PHLPP2: variants seen among roughly 807,000 people sequenced by gnomAD.
PHLPP2 encodes PH domain leucine-rich repeat-containing protein phosphatase 2.
In PHLPP2, 66 loss-of-function variants were observed where a neutral mutation model predicts 124.9. The ratio of observed to expected loss-of-function variants is 0.53; its 90% CI spans 0.43 to 0.65. The LOEUF is 0.65. Ranked by LOEUF, PHLPP2 falls within the 30% of genes least tolerant of loss-of-function variation. The pLI is 0.00. For missense variants in PHLPP2, 1,685 were observed against 1,600.4 expected, an observed-to-expected ratio of 1.05 and a Z score of -0.90; for synonymous variants, 681 against 624.7, an observed-to-expected ratio of 1.09 and a Z score of -1.34.
intron 3 of PHLPP2, among the ~76,000 whole-genome samples, chr16:71,698,938 C>T (rs1389248620): frequency 6.6e-6 from 1 of 152,176 alleles, no homozygotes; most frequent in Non-Finnish European, 1.5e-5. Flanking sequence ...TTAACTGGTT[C>T]GCACTCGGGC....
intron 12 of PHLPP2, among the ~76,000 whole-genome samples, chr16:71,665,938 TAA>T (rs2044836109): frequency 6.6e-6 from 1 of 152,210 alleles, no homozygotes; most frequent in African/African-American, 2.4e-5. Context: ...TATAAGCTGC[TAA>T]AGAGAGAACA....
At chr16:71,687,467 G>A (rs1483014585) in intron 4 of PHLPP2, among the ~76,000 whole-genome samples, 2 of 151,982 alleles carry the variant, frequency 1.3e-5, no homozygotes, top group Non-Finnish European at 2.9e-5. Flanking sequence ...CTTATGAACA[G>A]CAAATAGTAT....
At chr16:71,703,453 C>G (rs2145370129) in intron 2 of PHLPP2, among the ~76,000 whole-genome samples, 1 of 152,096 alleles carries the variant, frequency 6.6e-6, no homozygotes, top group South Asian at 2.1e-4. Context: ...CTTGTGGCCT[C>G]TGGTGACACT....
chr16:71,678,923 A>G lies in PHLPP2; in HGVS notation c.1100T>C (p.Leu367Pro). 1 of 1,613,470 alleles carries G rather than the reference A, an allele frequency of 6.2e-7. No individual in the cohort carries two copies. The highest frequency in any genetic ancestry group is 8.5e-7 in the Non-Finnish European group (1 of 1,179,444). ...LTTLPEELGN[L>P]QQLSSLGISF... ...AATTCCCAAGGAGGAAAGCTGTTGT[A>G]GATTTCCCAATTCTTCAGGTAAAGT... The change falls in exon 8 of 19, where the codon CTA becomes CCA. Residue 367 changes from leucine (L) to proline (P), a missense_variant. Coordinates refer to ENST00000568954, the MANE Select transcript of PHLPP2 (RefSeq NM_015020.3).
At chr16:71,719,964 ATTT>A (rs756642820) in intron 1 of PHLPP2, among the ~76,000 whole-genome samples, 7 of 53,248 alleles carry the variant, frequency 1.3e-4, no homozygotes, top group South Asian at 1.6e-3. Context: ...TGCCCAGCTA[ATTT>A]TTTTTTTTTT....
chr16:71,691,312 T>C lies in PHLPP2; in HGVS notation c.419-603A>G, dbSNP rs11866483. Among the ~76,000 whole-genome samples, 793 of 151,810 alleles carry C rather than the reference T, an allele frequency of 5.2e-3. 14 individuals carry two copies. The highest frequency in any genetic ancestry group is 0.018 in the African/African-American group (760 of 41,348). On this transcript the variant is annotated intron_variant, in intron 3 of 18. Coordinates refer to ENST00000568954, the MANE Select transcript of PHLPP2 (RefSeq NM_015020.3). ...TACTAAAAATACAAAAACAAAAAAA[T>C]TAGCCGGGCATGGTGGCGGACACCT...
In PHLPP2 at chr16:71,704,692, G is replaced by A. The variant is rs186654697; in HGVS notation, c.285-1961C>T. 1.0e-3 allele frequency among the ~76,000 whole-genome samples: 159 copies of A among 152,138 alleles called. No homozygotes were observed. In the Middle Eastern group the frequency reaches 0.027, roughly 26 times the overall value. On this transcript the variant is annotated intron_variant, in intron 2 of 18. Coordinates refer to ENST00000568954, the MANE Select transcript of PHLPP2 (RefSeq NM_015020.3). ...ATAAAGATTGAATTAAAGAGAAATG[G>A]GAAATAAACTTTTCAGATTATGTAG...
At chr16:71,714,968 A>G in intron 1 of PHLPP2, 167 bp from the exon 2 acceptor site, 1 of 796,370 alleles carries the variant, frequency 1.3e-6, no homozygotes, top group East Asian at 2.8e-5. Flanking sequence ...GTAATAACTC[A>G]GATAACTTAA....
chr16:71,719,475 G>A (rs1272636570), intron 1 of PHLPP2, among the ~76,000 whole-genome samples: 2 of 152,224 alleles, frequency 1.3e-5, no homozygotes, highest in African/African-American at 4.8e-5. Context: ...AGTAGGTGGA[G>A]ACTGCAGTGA....
At chr16:71,702,761 A>G (rs1438589674) in intron 2 of PHLPP2, 30 bp from the exon 3 acceptor site, 1 of 1,472,156 alleles carries the variant, frequency 6.8e-7, no homozygotes, top group Admixed American at 2.0e-5. Context: ...AAATATATAT[A>G]TTTGGTAAGT....
intron 3 of PHLPP2, among the ~76,000 whole-genome samples, chr16:71,699,944 A>G (rs1411239078): frequency 1.1e-4 from 16 of 152,152 alleles, no homozygotes; most frequent in Admixed American, 9.2e-4. Context: ...CCCAGTGAAC[A>G]CGGTTTGTTC....
At chr16:71,678,220 C>T (rs1306590884) in intron 8 of PHLPP2, 1 of 152,294 alleles carries the variant, frequency 6.6e-6, no homozygotes, top group Non-Finnish European at 1.5e-5. Flanking sequence ...TGAGAACAAT[C>T]TTTGTCAAAG....
intron 1 of PHLPP2, among the ~76,000 whole-genome samples, chr16:71,719,988 T>TTTTTTTTTTTTTTTTTTG (rs869036837): frequency 1.0e-4 from 14 of 139,140 alleles, no homozygotes; most frequent in Non-Finnish European, 1.4e-4. Context: ...TTTTTTTTTT[T>TTTTTTTTTTTTTTTTTTG]GAGACGGAGT....
chr16:71,668,256 C>CA (rs1241108801), intron 11 of PHLPP2, among the ~76,000 whole-genome samples: 1 of 149,472 alleles, frequency 6.7e-6, no homozygotes, highest in Non-Finnish European at 1.5e-5. Context: ...ACTAAAAATA[C>CA]AAAAAAAAAT....
chr16:71,659,811 CTGCTGTTAACATGGAGAGAAAGTG>C (rs1298928150), intron 13 of PHLPP2, among the ~76,000 whole-genome samples: 11 of 152,120 alleles, frequency 7.2e-5, no homozygotes, highest in Admixed American at 4.6e-4. Flanking sequence ...AAATAATAAA[CTGCTGTTAACATGGAGAGAAAGTG>C]AAAAATAAAG....
At chr16:71,721,399 C>A (rs2045397551) in intron 1 of PHLPP2, among the ~76,000 whole-genome samples, 1 of 152,098 alleles carries the variant, frequency 6.6e-6, no homozygotes, top group Admixed American at 6.6e-5. Flanking sequence ...AAGAGGATCA[C>A]TTGAGGCCAG....
In PHLPP2 at chr16:71,655,390, AC is replaced by A; in HGVS notation, c.2434del (p.Val812TrpfsTer29). ...ATCAAACATGCCATACACAGCTCCC[AC>A]CCCCTCTGCAAAGCTATCCATAGCA... ...ALAMDSFAEG[V>X]GAVYGMFDGD... On this transcript the variant is annotated frameshift_variant, in exon 17 of 19. Transcript: ENST00000568954. LOFTEE classifies it high-confidence loss of function. 1 of 1,613,998 alleles carries A rather than the reference AC, an allele frequency of 6.2e-7. No homozygotes were observed. The highest frequency in any genetic ancestry group is 8.5e-7 in the Non-Finnish European group (1 of 1,179,974).
Position 71,676,466 on chromosome 16 carries a change from G to T in PHLPP2, c.1452C>A (p.Thr484=), listed in dbSNP as rs767738686. The change falls in exon 9 of 19, where the codon ACC becomes ACA. Residue 484 remains threonine, a synonymous_variant. Transcript: ENST00000568954. ...ACTCACTGTTGGAACTGGCATAGAG[G>T]GTCCGAAGGGAAAAGCCACTGAGTG... The part of the protein sequence containing the change: ...ELTLSGFSLR[T]LYASSNRLTA... The T allele has an allele frequency of 6.2e-7, 1 of 1,613,810 alleles. No homozygotes were observed. Among genetic ancestry groups the T allele is most frequent in the Non-Finnish European group, 8.5e-7 (1 of 1,179,704 alleles).
At chr16:71,709,973 C>T (rs1220562106) in intron 2 of PHLPP2, among the ~76,000 whole-genome samples, 3 of 152,260 alleles carry the variant, frequency 2.0e-5, no homozygotes, top group Non-Finnish European at 4.4e-5. Flanking sequence ...AGTGCGCGCA[C>T]TGGAACCACA....
Sources: allele counts gnomAD v4.1 joint callset (sites outside exome capture counted in the v4.1 genomes callset), GRCh38; gene constraint gnomAD v4.1.1; transcripts MANE v1.5; gene names NCBI Gene and HGNC (gene_info 2026-07-23, HGNC 2026-07-21).